Variants in PAX7 observed in about 807,000 individuals in gnomAD.
PAX7 encodes paired box 7.
PAX7 carries 18 observed loss-of-function variants against 50.7 expected under a neutral mutation model. That is an observed-to-expected ratio of 0.36 (90% CI 0.25 to 0.53). PAX7 has a LOEUF of 0.53. PAX7 is among the 20% of genes least tolerant of loss of function. The pLI is 0.93. For missense variants in PAX7, 644 were observed against 702.9 expected (o/e 0.92, Z 0.95); for synonymous variants, 310 against 290.4 (o/e 1.07, Z -0.69).
rs1013580995 is a variant in PAX7 at position 18,703,423 on chromosome 1, T to C, written c.1155+127T>C. The stretch of plus-strand genomic sequence containing the variant: ...CTGACTGCGGTTGGGGTTTTTGTTC[T>C]AGAATCAGGAATCCTCCCTGGACTC... On this transcript the variant is annotated intron_variant, in intron 7 of 8. Coordinates refer to ENST00000420770, the MANE Select transcript of PAX7 (RefSeq NM_001135254.2). The C allele has an allele frequency of 2.0e-5, 16 of 817,052 alleles. No homozygotes were observed. In the East Asian group the frequency reaches 3.4e-4, roughly 17 times the overall value. 50.6% of individuals were successfully genotyped at this position (817,052 alleles called of 1,614,324 possible).
Position 18,746,005 on chromosome 1 carries a change from G to A in PAX7, c.*1076G>A, listed in dbSNP as rs982701059. 25 of 230,988 alleles carry A rather than the reference G, an allele frequency of 1.1e-4. 1 individual carries two copies. In the Admixed American group the frequency reaches 1.1e-3, roughly 10 times the overall value. The allele number at this position is 230,988 out of a possible 1,614,324, so 14.3% of individuals were successfully genotyped here. ...TGCCCAAAGCCTTCCGCAGAGGCCC[G>A]AGCCCATCCTTACCATGCCCCATCC... On this transcript the variant is annotated 3_prime_UTR_variant, in exon 9 of 9. Transcript: ENST00000420770.
At chr1:18,685,171 C>T (rs1390428589) in intron 4 of PAX7, among the ~76,000 whole-genome samples, 1 of 152,206 alleles carries the variant, frequency 6.6e-6, no homozygotes, top group African/African-American at 2.4e-5. Context: ...CCCCACTGCC[C>T]TGAGACTCCA....
Position 18,745,408 on chromosome 1 carries a change from A to G in PAX7, c.*479A>G, listed in dbSNP as rs1931391573. 1 of 240,014 alleles carries G rather than the reference A, an allele frequency of 4.2e-6. No homozygotes were observed. Among genetic ancestry groups the G allele is most frequent in the African/African-American group, 2.2e-5 (1 of 45,446 alleles). 14.9% of individuals were successfully genotyped at this position (240,014 alleles called of 1,614,324 possible). On this transcript the variant is annotated 3_prime_UTR_variant, in exon 9 of 9. Coordinates refer to ENST00000420770, the MANE Select transcript of PAX7 (RefSeq NM_001135254.2). Reference sequence around the variant, plus strand: ...GCCCTGCAAGGAGGGTCTCTGGCTCAGTGTCAGAACCACAGCCCTTTCCTC... The same window carrying G: ...GCCCTGCAAGGAGGGTCTCTGGCTCGGTGTCAGAACCACAGCCCTTTCCTC...
At chr1:18,740,554 T>G (rs1004383750) in intron 8 of PAX7, among the ~76,000 whole-genome samples, 1 of 152,214 alleles carries the variant, frequency 6.6e-6, no homozygotes, top group Non-Finnish European at 1.5e-5. Flanking sequence ...GATGTGGTCA[T>G]GCCTGCCAGC....
intron 7 of PAX7, among the ~76,000 whole-genome samples, chr1:18,734,327 C>G (rs560773908): frequency 3.9e-5 from 6 of 152,112 alleles, no homozygotes; most frequent in Admixed American, 3.9e-4. Context: ...CCATAAAGGG[C>G]GGCATCACCA....
At chr1:18,732,363 A>G (rs1020700508) in intron 7 of PAX7, among the ~76,000 whole-genome samples, 9 of 152,212 alleles carry the variant, frequency 5.9e-5, no homozygotes, top group Admixed American at 1.3e-4. Context: ...AGGAATACAC[A>G]TGAATTCAGC....
intron 7 of PAX7, among the ~76,000 whole-genome samples, chr1:18,706,920 T>C (rs1169741747): frequency 1.3e-5 from 2 of 151,778 alleles, no homozygotes; most frequent in African/African-American, 4.8e-5. Context: ...GGGGAAGACA[T>C]GCCTCCTCCA....
intron 4 of PAX7, among the ~76,000 whole-genome samples, chr1:18,674,748 T>C (rs1302738703): frequency 6.6e-6 from 1 of 152,212 alleles, no homozygotes; most frequent in African/African-American, 2.4e-5. Flanking sequence ...CTCCCCAGGC[T>C]CTTGCTCCCT....
chr1:18,685,957 C>T (rs756657168), intron 4 of PAX7, among the ~76,000 whole-genome samples: 5 of 152,182 alleles, frequency 3.3e-5, no homozygotes, highest in Non-Finnish European at 5.9e-5. Context: ...CAGCCTGGGC[C>T]GGACTTTGCC....
intron 4 of PAX7, among the ~76,000 whole-genome samples, chr1:18,655,812 T>A (rs578110769): frequency 1.3e-5 from 2 of 150,134 alleles, no homozygotes; most frequent in South Asian, 4.2e-4. Flanking sequence ...TGTGTGTGTC[T>A]GGGAGTGTGT....
At chr1:18,707,836 C>A (rs1316357031) in intron 7 of PAX7, among the ~76,000 whole-genome samples, 1 of 151,984 alleles carries the variant, frequency 6.6e-6, no homozygotes, top group Non-Finnish European at 1.5e-5. Flanking sequence ...AGGGAAGCCA[C>A]CCCCCATCTA....
intron 4 of PAX7, among the ~76,000 whole-genome samples, chr1:18,638,106 C>T (rs900985567): frequency 6.6e-6 from 1 of 152,252 alleles, no homozygotes; most frequent in African/African-American, 2.4e-5. Flanking sequence ...CAACAAACAA[C>T]TCTTCTGAGG....
At chr1:18,672,434 C>T (rs540113447) in intron 4 of PAX7, among the ~76,000 whole-genome samples, 8 of 152,120 alleles carry the variant, frequency 5.3e-5, no homozygotes, top group South Asian at 2.1e-4. Flanking sequence ...TGTAAGGGTG[C>T]GCCATGCACC....
chr1:18,705,783 G>T (rs1212485353), intron 7 of PAX7, among the ~76,000 whole-genome samples: 2 of 152,148 alleles, frequency 1.3e-5, no homozygotes, highest in Non-Finnish European at 2.9e-5. Flanking sequence ...TGGACGCCCA[G>T]CCCTCCACCC....
rs1931428734 is a variant in PAX7, at chr1:18,746,151, G to T, written c.*1222G>T. 4.3e-6 allele frequency: 1 copy of T among 231,864 alleles called. No individual in the cohort carries two copies. Among genetic ancestry groups the T allele is most frequent in the Non-Finnish European group, 8.5e-6 (1 of 117,264 alleles). 14.4% of individuals were successfully genotyped at this position (231,864 alleles called of 1,614,324 possible). ...CAGGGATGGTTTGCCCCACAGACAAGATGATCCCCCCTGGCATGTTGTTAG... is the reference window on the plus strand; with the variant it reads ...CAGGGATGGTTTGCCCCACAGACAATATGATCCCCCCTGGCATGTTGTTAG... On this transcript the variant is annotated 3_prime_UTR_variant, in exon 9 of 9. Coordinates refer to ENST00000420770, the MANE Select transcript of PAX7 (RefSeq NM_001135254.2).
intron 4 of PAX7, among the ~76,000 whole-genome samples, chr1:18,671,527 G>A (rs1255739027): frequency 1.3e-5 from 2 of 152,164 alleles, no homozygotes; most frequent in Non-Finnish European, 2.9e-5. Flanking sequence ...TGGGAGGAGG[G>A]TGTGATGGTG....
rs2841089 is a variant in PAX7, at chr1:18,650,533, G to A, written c.586+14162G>A. Among the ~76,000 whole-genome samples, 413 of 152,300 alleles carry A rather than the reference G, an allele frequency of 2.7e-3. 2 individuals are homozygous for A. Among genetic ancestry groups the A allele is most frequent in the African/African-American group, 8.1e-3 (336 of 41,560 alleles). On this transcript the variant is annotated intron_variant, in intron 4 of 8. Coordinates refer to ENST00000420770, the MANE Select transcript of PAX7 (RefSeq NM_001135254.2). ...GGCGGAGGACAGAGGGCTGTGCCCC[G>A]GAGTCACCCAGGTGCTTTTGCAAGA...
intron 4 of PAX7, among the ~76,000 whole-genome samples, chr1:18,646,955 A>C: frequency 8.3e-6 from 1 of 120,820 alleles, no homozygotes; most frequent in East Asian, 3.0e-4. Flanking sequence ...AAGAGCGGGC[A>C]CGCTGGGAGC....
At chr1:18,665,382 CTCTTT>C (rs2088653956) in intron 4 of PAX7, among the ~76,000 whole-genome samples, 1 of 151,892 alleles carries the variant, frequency 6.6e-6, no homozygotes, top group Non-Finnish European at 1.5e-5. Flanking sequence ...CTTTTTCTTT[CTCTTT>C]TGTTTTTGAG....
Sources: allele counts gnomAD v4.1 joint callset (sites outside exome capture counted in the v4.1 genomes callset), GRCh38; gene constraint gnomAD v4.1.1; transcripts MANE v1.5; gene names NCBI Gene and HGNC (gene_info 2026-07-23, HGNC 2026-07-21).